The following EHMT1 variants were observed in gnomAD, a reference collection of about 807,000 sequenced individuals.
The protein encoded by EHMT1 is histone-lysine N-methyltransferase EHMT1.
In EHMT1, 15 loss-of-function variants were observed where a neutral mutation model predicts 147.2. The observed-to-expected ratio is 0.10, with a 90% CI of 0.07 to 0.16. The LOEUF (loss-of-function observed/expected upper bound fraction) is 0.16, where lower values mean the gene tolerates loss of function less well. EHMT1 is among the 10% of genes least tolerant of loss of function. EHMT1 has a pLI of 1.00. For missense variants in EHMT1, 1,587 were observed against 1,772.4 expected (o/e 0.90, Z 1.88); for synonymous variants, 795 against 709.6 (o/e 1.12, Z -1.91).
chr9:137,832,079 T>G (rs1956231881), intron 25 of EHMT1, among the ~76,000 whole-genome samples: 1 of 149,118 alleles, frequency 6.7e-6, no homozygotes, highest in South Asian at 2.1e-4. Flanking sequence ...GCCTCCTACG[T>G]GGCCGCTGCA....
At chr9:137,794,848 T>C (rs1952779433) in intron 16 of EHMT1, among the ~76,000 whole-genome samples, 1 of 152,034 alleles carries the variant, frequency 6.6e-6, no homozygotes, top group African/African-American at 2.4e-5. Context: ...AAATCAAACA[T>C]GTTCGGGTAA....
chr9:137,777,141 A>G (rs893715193), intron 12 of EHMT1: 9 of 401,600 alleles, frequency 2.2e-5, no homozygotes, highest in African/African-American at 1.8e-4. Context: ...CTGTTGGTAC[A>G]CAAGCGATAG....
At chr9:137,750,676 AGTGAGGGTGGAGGT>A (rs1404428108) in intron 6 of EHMT1, among the ~76,000 whole-genome samples, 1 of 152,184 alleles carries the variant, frequency 6.6e-6, no homozygotes, top group Non-Finnish European at 1.5e-5. Flanking sequence ...CTGGTTCTGA[AGTGAGGGTGGAGGT>A]GGAGACCCTC....
chr9:137,823,438 G>T, intron 25 of EHMT1: 1 of 354,010 alleles, frequency 2.8e-6, no homozygotes, highest in Non-Finnish European at 5.4e-6. Context: ...TTGAAACGGA[G>T]TCTGGCTCTG....
intron 1 of EHMT1, among the ~76,000 whole-genome samples, chr9:137,651,779 C>T (rs1052234804): frequency 4.6e-5 from 7 of 151,960 alleles, no homozygotes; most frequent in African/African-American, 1.4e-4. Flanking sequence ...TGAGTGACAG[C>T]GAGACGCCGT....
intron 15 of EHMT1, chr9:137,788,242 CT>C: frequency 2.1e-6 from 1 of 468,906 alleles, no homozygotes. Flanking sequence ...CTGGAGTCCC[CT>C]AGCAGGGACT....
At chr9:137,717,614 A>G (rs1377484375) in intron 3 of EHMT1, among the ~76,000 whole-genome samples, 1 of 142,874 alleles carries the variant, frequency 7.0e-6, no homozygotes, top group Non-Finnish European at 1.5e-5. Flanking sequence ...TCAAAAAAAA[A>G]AAAAAAAAAA....
At position 137,782,318 on chromosome 9, in the gene EHMT1, T is replaced by C; in HGVS notation, c.2303T>C (p.Met768Thr). The C allele has an allele frequency of 6.2e-7, 1 of 1,613,764 alleles. No homozygotes were observed. The highest frequency in any genetic ancestry group is 8.5e-7 in the Non-Finnish European group (1 of 1,179,938). Residue 768 changes from methionine (M) to threonine (T), a missense_variant, in exon 15 of 27, where the codon ATG becomes ACG. Transcript: ENST00000460843. The surrounding 1 kb of genome is among the most constrained non-coding windows in gnomAD (Gnocchi z 5.7). ...GACGGAATTGACCCCAACTTCAAAA[T>C]GGAGCACCAGAATAAGCGCTCTCCA... is the stretch of plus-strand genomic sequence containing the variant. Reference protein sequence around the residue: ...LVDGIDPNFKMEHQNKRSPLH... With the variant: ...LVDGIDPNFKTEHQNKRSPLH...
At chr9:137,785,602 TC>T (rs1489461046) in intron 15 of EHMT1, 2 of 152,236 alleles carry the variant, frequency 1.3e-5, no homozygotes, top group African/African-American at 4.8e-5. Flanking sequence ...CTTCCATTCT[TC>T]CTTTTGAGAA....
chr9:137,704,520 G>C (rs928219706), intron 1 of EHMT1, among the ~76,000 whole-genome samples: 4 of 152,172 alleles, frequency 2.6e-5, no homozygotes, highest in Admixed American at 2.6e-4. Flanking sequence ...ACTAAAATGA[G>C]TTCTGTATTT....
intron 17 of EHMT1, chr9:137,800,564 G>A (rs146247100): frequency 1.3e-4 from 53 of 418,864 alleles, no homozygotes; most frequent in East Asian, 1.0e-3. Flanking sequence ...CTCGTTGCAC[G>A]CAGCTGTGTT....
intron 10 of EHMT1, among the ~76,000 whole-genome samples, chr9:137,767,172 T>G (rs963362506): frequency 1.3e-5 from 2 of 152,160 alleles, no homozygotes; most frequent in Non-Finnish European, 2.9e-5. Flanking sequence ...CAGGCTGGAG[T>G]GCAGCGGTGC....
At chr9:137,677,038 A>G (rs1941417964) in intron 1 of EHMT1, among the ~76,000 whole-genome samples, 1 of 152,152 alleles carries the variant, frequency 6.6e-6, no homozygotes. Context: ...TTTGTTGCCC[A>G]GGCTGATCTT....
At chr9:137,770,187 G>A (rs1405182653) in intron 10 of EHMT1, among the ~76,000 whole-genome samples, 1 of 152,040 alleles carries the variant, frequency 6.6e-6, no homozygotes, top group Non-Finnish European at 1.5e-5. Flanking sequence ...GGGATTCCTT[G>A]TACACACGTT....
chr9:137,810,252 G>A (rs1233566152), intron 18 of EHMT1, among the ~76,000 whole-genome samples: 1 of 152,114 alleles, frequency 6.6e-6, no homozygotes, highest in Non-Finnish European at 1.5e-5. Flanking sequence ...GTGGACCGTC[G>A]GTGATGGGTC....
rs760179312 is a variant in EHMT1 at position 137,711,038 on chromosome 9, C to T, written c.85+8C>T. ...CCGAGCTGCTGGGAGAAGGTGAGGG[C>T]GGTGTGCACCGAGGGACAGGAGCAG... On this transcript the variant is annotated splice_region_variant and intron_variant, in intron 2 of 26. Coordinates refer to ENST00000460843, the MANE Select transcript of EHMT1 (RefSeq NM_024757.5). The T allele has an allele frequency of 3.7e-5, 58 of 1,585,056 alleles. No individual in the cohort carries two copies. The highest frequency in any genetic ancestry group is 1.6e-4 in the South Asian group (14 of 86,382).
At chr9:137,658,139 C>T (rs940103455) in intron 1 of EHMT1, among the ~76,000 whole-genome samples, 6 of 152,168 alleles carry the variant, frequency 3.9e-5, no homozygotes, top group Non-Finnish European at 7.3e-5. Context: ...CTGTCACTCG[C>T]GGCTCTTCCT....
intron 1 of EHMT1, among the ~76,000 whole-genome samples, chr9:137,667,912 C>T (rs2134185774): frequency 6.6e-6 from 1 of 152,184 alleles, no homozygotes; most frequent in Admixed American, 6.5e-5. Context: ...AGAGCCTATC[C>T]AAATTATCTT....
In EHMT1 at chr9:137,743,504, A is replaced by C; in HGVS notation, c.957A>C (p.Ile319=). 6.2e-7 allele frequency: 1 copy of C among 1,614,180 alleles called. No individual in the cohort carries two copies. Among genetic ancestry groups the C allele is most frequent in the Non-Finnish European group, 8.5e-7 (1 of 1,180,020 alleles). Reference sequence around the variant, plus strand: ...CGGTGATTGAGATGTTTAAGAGCATAACTCATTCCACTGTGGGTTCCAAGG... The same window carrying C: ...CGGTGATTGAGATGTTTAAGAGCATCACTCATTCCACTGTGGGTTCCAAGG... ...QRTVIEMFKS[I]THSTVGSKGE... The change falls in exon 5 of 27, where the codon ATA becomes ATC. Residue 319 remains isoleucine (I), a synonymous_variant. Coordinates refer to ENST00000460843, the MANE Select transcript of EHMT1 (RefSeq NM_024757.5).
Sources: allele counts gnomAD v4.1 joint callset (sites outside exome capture counted in the v4.1 genomes callset), GRCh38; gene constraint gnomAD v4.1.1; non-coding constraint Gnocchi (gnomAD v3.1); transcripts MANE v1.5; gene names NCBI Gene and HGNC (gene_info 2026-07-23, HGNC 2026-07-21).